Variants in TMEM132D observed in about 807,000 individuals in gnomAD.
TMEM132D encodes transmembrane protein 132D, also known as mature OL transmembrane protein.
Under a neutral mutation model 62.3 loss-of-function variants are expected in TMEM132D, and 21 were observed. The ratio of observed to expected loss-of-function variants is 0.34; its 90% CI spans 0.24 to 0.49. The LOEUF is 0.49. TMEM132D is among the 20% of genes least tolerant of loss of function. The pLI is 0.99. For synonymous variants in TMEM132D, 621 were observed against 575.6 expected, an observed-to-expected ratio of 1.08 and a Z score of -1.13; for missense variants, 1,346 against 1,402.8, an observed-to-expected ratio of 0.96 and a Z score of 0.65.
At chr12:129,826,532 G>C (rs953247617) in intron 1 of TMEM132D, among the ~76,000 whole-genome samples, 1 of 152,148 alleles carries the variant, frequency 6.6e-6, no homozygotes, top group Non-Finnish European at 1.5e-5. Context: ...GGACACAAGA[G>C]TCTTTTATCA....
intron 5 of TMEM132D, among the ~76,000 whole-genome samples, chr12:129,199,339 T>G (rs1455392950): frequency 6.6e-6 from 1 of 152,184 alleles, no homozygotes; most frequent in Non-Finnish European, 1.5e-5. Flanking sequence ...TGAGCTCATG[T>G]GATCCACCCA....
intron 5 of TMEM132D, among the ~76,000 whole-genome samples, chr12:129,188,777 G>T (rs905401668): frequency 2.5e-5 from 1 of 39,880 alleles, no homozygotes; most frequent in African/African-American, 8.5e-5. Context: ...GAGAGAGAGA[G>T]AGAGAGAGAG....
At chr12:129,220,242 T>C (rs905212677) in intron 4 of TMEM132D, among the ~76,000 whole-genome samples, 1 of 151,714 alleles carries the variant, frequency 6.6e-6, no homozygotes, top group Non-Finnish European at 1.5e-5. Flanking sequence ...CTGCTGCTTG[T>C]CATGACTAGA....
chr12:129,444,995 A>C (rs1413201880), intron 3 of TMEM132D, among the ~76,000 whole-genome samples: 1 of 152,234 alleles, frequency 6.6e-6, no homozygotes, highest in Admixed American at 6.5e-5. Context: ...TACACAGATA[A>C]ATGTAAATTG....
intron 3 of TMEM132D, among the ~76,000 whole-genome samples, chr12:129,473,329 T>TTG (rs1874154945): frequency 2.3e-5 from 3 of 133,308 alleles, no homozygotes; most frequent in South Asian, 2.6e-4. Flanking sequence ...TTTTTGTTTT[T>TTG]TTTTTTTTTT....
intron 2 of TMEM132D, among the ~76,000 whole-genome samples, chr12:129,578,252 C>T (rs1877733700): frequency 6.6e-6 from 1 of 152,020 alleles, no homozygotes; most frequent in Admixed American, 6.6e-5. Context: ...ATGAATGCAC[C>T]CCAGGCTTCC....
At chr12:129,866,603 TAA>T (rs202220288) in intron 1 of TMEM132D, among the ~76,000 whole-genome samples, 5 of 143,958 alleles carry the variant, frequency 3.5e-5, no homozygotes, top group African/African-American at 1.3e-4. Flanking sequence ...AAAAATATAT[TAA>T]AAAAAAAAAG....
chr12:129,741,016 A>C (rs544349175), intron 1 of TMEM132D, among the ~76,000 whole-genome samples: 4 of 152,348 alleles, frequency 2.6e-5, no homozygotes, highest in Middle Eastern at 3.4e-3. Flanking sequence ...CTTTGGGGAA[A>C]TTATGATTTG....
intron 4 of TMEM132D, among the ~76,000 whole-genome samples, chr12:129,216,074 C>A (rs1199351227): frequency 6.6e-6 from 1 of 152,136 alleles, no homozygotes; most frequent in Non-Finnish European, 1.5e-5. Context: ...AGACTGCCTG[C>A]GTTTGAATCC....
At chr12:129,537,008 T>G (rs539965158) in intron 2 of TMEM132D, among the ~76,000 whole-genome samples, 5 of 151,808 alleles carry the variant, frequency 3.3e-5, no homozygotes, top group Admixed American at 3.3e-4. Context: ...AATACAAAAT[T>G]AGCCAGATGT....
chr12:129,079,604 TTTCTCGACC>T (rs1286307044), intron 7 of TMEM132D, among the ~76,000 whole-genome samples: 2 of 152,244 alleles, frequency 1.3e-5, no homozygotes, highest in African/African-American at 4.8e-5. Context: ...ATTCTCCTGC[TTTCTCGACC>T]TCTTTCTCTT....
intron 2 of TMEM132D, among the ~76,000 whole-genome samples, chr12:129,672,816 C>T (rs943131617): frequency 7.9e-5 from 12 of 152,166 alleles, no homozygotes; most frequent in African/African-American, 1.9e-4. Context: ...GGCACTATCT[C>T]GGCTCACTGC....
chr12:129,628,924 CTCTT>C (rs768227598), intron 2 of TMEM132D, among the ~76,000 whole-genome samples: 58 of 150,878 alleles, frequency 3.8e-4, no homozygotes, highest in African/African-American at 1.3e-3. Flanking sequence ...ATTTCTATCT[CTCTT>C]TCTCTCTCTC....
intron 2 of TMEM132D, among the ~76,000 whole-genome samples, chr12:129,607,683 A>G (rs529344547): frequency 1.1e-4 from 17 of 152,322 alleles, no homozygotes; most frequent in African/African-American, 4.1e-4. Context: ...TGTTCATTCA[A>G]TAAATAGAAT....
In TMEM132D at chr12:129,157,474, A is replaced by G. The variant is rs539251010; in HGVS notation, c.1443+52046T>C. Among the ~76,000 whole-genome samples the G allele has an allele frequency of 3.0e-4, 46 of 152,352 alleles. 1 individual carries two copies. Among genetic ancestry groups the G allele is most frequent in the Admixed American group, 2.7e-3 (41 of 15,310 alleles). On this transcript the variant is annotated intron_variant, in intron 5 of 8. Coordinates refer to ENST00000422113, the MANE Select transcript of TMEM132D (RefSeq NM_133448.3). ...CTTTATGTTCACATCATCATTATGG[A>G]CATAAAACTGACATTACTATCTTAG... is the stretch of plus-strand genomic sequence containing the variant.
At chr12:129,249,933 AC>A (rs1045199016) in intron 4 of TMEM132D, among the ~76,000 whole-genome samples, 1 of 152,170 alleles carries the variant, frequency 6.6e-6, no homozygotes, top group African/African-American at 2.4e-5. Flanking sequence ...AGGCCCCGTG[AC>A]CTTAAAGGGC....
chr12:129,788,581 C>A (rs1216961534), intron 1 of TMEM132D, among the ~76,000 whole-genome samples: 1 of 152,138 alleles, frequency 6.6e-6, no homozygotes, highest in Non-Finnish European at 1.5e-5. Context: ...TTCAAAAAGA[C>A]TTTGGCACAC....
chr12:129,546,048 T>C (rs1383433628), intron 2 of TMEM132D, among the ~76,000 whole-genome samples: 1 of 152,080 alleles, frequency 6.6e-6, no homozygotes, highest in African/African-American at 2.4e-5. Context: ...ACAGGTGCAA[T>C]GGGGCACTCT....
chr12:129,518,092 C>T (rs1875735467), intron 3 of TMEM132D, among the ~76,000 whole-genome samples: 2 of 152,082 alleles, frequency 1.3e-5, no homozygotes, highest in South Asian at 4.1e-4. Flanking sequence ...AGTTTTTTCC[C>T]CCCTAAGGAG....
Sources: allele counts gnomAD v4.1 joint callset (sites outside exome capture counted in the v4.1 genomes callset), GRCh38; gene constraint gnomAD v4.1.1; transcripts MANE v1.5; gene names NCBI Gene and HGNC (gene_info 2026-07-23, HGNC 2026-07-21).